Variants in NMRK2 observed in about 807,000 individuals in gnomAD.
NMRK2 encodes the protein nicotinamide riboside kinase 2, also known as NRK 2.
NMRK2 carries 34 observed loss-of-function variants against 24.7 expected under a neutral mutation model. That is an observed-to-expected ratio of 1.37 (90% CI 1.05 to 1.83). The LOEUF (loss-of-function observed/expected upper bound fraction) is 1.83, where lower values mean the gene tolerates loss of function less well. Ranked by LOEUF, NMRK2 falls within the 40% of genes most tolerant of loss-of-function variation. NMRK2 has a pLI of 0.00. For missense variants in NMRK2, 341 were observed against 315.0 expected, an observed-to-expected ratio of 1.08 and a Z score of -0.62; for synonymous variants, 145 against 125.6, an observed-to-expected ratio of 1.15 and a Z score of -1.03.
intron 2 of NMRK2, among the ~76,000 whole-genome samples, chr19:3,934,575 GTGT>G (rs374434203): frequency 3.4e-4 from 51 of 150,440 alleles, no homozygotes; most frequent in African/African-American, 1.1e-3. Context: ...TGGGGGGGGG[GTGT>G]TGTTGTTGCC....
In NMRK2 at chr19:3,936,562, G is replaced by A. The variant is rs757459048; in HGVS notation, c.27-13G>A. On this transcript the variant is annotated splice_polypyrimidine_tract_variant and intron_variant, in intron 2 of 7. Coordinates refer to ENST00000168977, the MANE Select transcript of NMRK2 (RefSeq NM_170678.3). ...GGAGCCCAGGCAGTCTCATGCACAC[G>A]CTGTCTCCCCAGCATGACCAACGGC... 5.2e-6 allele frequency: 8 copies of A among 1,538,478 alleles called. No individual in the cohort carries two copies. Among genetic ancestry groups the A allele is most frequent in the South Asian group, 2.4e-5 (2 of 83,410 alleles).
chr19:3,934,568 G>C (rs879582067), intron 2 of NMRK2, among the ~76,000 whole-genome samples: 87 of 151,008 alleles, frequency 5.8e-4, no homozygotes, highest in Non-Finnish European at 1.1e-3. Flanking sequence ...TTTTTTTTGG[G>C]GGGGGGGTGT....
At chr19:3,942,016 C>A in intron 7 of NMRK2, 67 bp from the exon 8 acceptor site, 1 of 1,330,286 alleles carries the variant, frequency 7.5e-7, no homozygotes, top group Non-Finnish European at 1.1e-6. Context: ...ACCCAGCCGT[C>A]CACTCGTCCC....
At chr19:3,940,999 C>A (rs2046645309) in intron 6 of NMRK2, 72 bp from the exon 7 acceptor site, 5 of 974,464 alleles carry the variant, frequency 5.1e-6, no homozygotes, top group Non-Finnish European at 7.9e-6. Context: ...AGCTTTCAGG[C>A]CCCCCACCGG....
chr19:3,933,346 G>T (rs1250406118), intron 1 of NMRK2, 112 bp from the exon 2 acceptor site: 7 of 378,924 alleles, frequency 1.8e-5, no homozygotes, highest in Non-Finnish European at 3.3e-5. Flanking sequence ...GGAGGAGGGG[G>T]TAAGAAGGGG....
chr19:3,937,009 C>T (rs2039225682), intron 3 of NMRK2, among the ~76,000 whole-genome samples: 1 of 152,142 alleles, frequency 6.6e-6, no homozygotes, highest in Non-Finnish European at 1.5e-5. Flanking sequence ...TCCACCTCCC[C>T]TTTCCCATCT....
chr19:3,935,486 C>T (rs1330228273), intron 2 of NMRK2, among the ~76,000 whole-genome samples: 11 of 151,962 alleles, frequency 7.2e-5, no homozygotes, highest in Non-Finnish European at 5.9e-5. Context: ...AAACTCCTGA[C>T]CTCAGGTGAT....
chr19:3,934,688 TCTC>T (rs1270863216), intron 2 of NMRK2, among the ~76,000 whole-genome samples: 1 of 151,812 alleles, frequency 6.6e-6, no homozygotes, highest in African/African-American at 2.4e-5. Flanking sequence ...TTCAAGCAAT[TCTC>T]CTGCCTCAGC....
chr19:3,938,816 TCTC>T, intron 5 of NMRK2, 57 bp downstream of exon 5: 2 of 522,714 alleles, frequency 3.8e-6, no homozygotes, highest in South Asian at 4.7e-5. Flanking sequence ...GGTATAGCCA[TCTC>T]TTGTTTTTTT....
At chr19:3,936,781 C>A in intron 3 of NMRK2, 116 bp downstream of exon 3, 1 of 820,452 alleles carries the variant, frequency 1.2e-6, no homozygotes, top group Non-Finnish European at 1.9e-6. Flanking sequence ...ACTGGCTCCA[C>A]TCCCTGCCTG....
At chr19:3,935,251 CTTTTTT>C (rs900517564) in intron 2 of NMRK2, among the ~76,000 whole-genome samples, 6 of 105,642 alleles carry the variant, frequency 5.7e-5, no homozygotes, top group Admixed American at 3.1e-4. Flanking sequence ...TTCCGTCAGT[CTTTTTT>C]TTTTTTTTTT....
intron 6 of NMRK2, 61 bp downstream of exon 6, chr19:3,940,032 G>T: frequency 6.9e-7 from 1 of 1,451,560 alleles, no homozygotes; most frequent in South Asian, 1.2e-5. Context: ...ATTACTGGGT[G>T]GAACCAGCGG....
rs1319183512 is a variant in NMRK2 at position 3,933,635 on chromosome 19, G to C, written c.-37G>C. On this transcript the variant is annotated 5_prime_UTR_variant, in exon 2 of 8. Transcript: ENST00000168977. ...TGCGTGGTCGCACCCTACCCGGGCT[G>C]CCTTGGAAGTCGTCCCCGCCGCCCC... 1 of 1,519,150 alleles carries C rather than the reference G, an allele frequency of 6.6e-7. No individual in the cohort carries two copies. Among genetic ancestry groups the C allele is most frequent in the Non-Finnish European group, 8.8e-7 (1 of 1,135,188 alleles). 94.1% of individuals were successfully genotyped at this position (1,519,150 alleles called of 1,614,324 possible).
At position 3,939,895 on chromosome 19, in the gene NMRK2, C is replaced by T. The variant is rs2039298066; in HGVS notation, c.324-5C>T. The T allele has an allele frequency of 1.2e-6, 2 of 1,612,362 alleles. No individual in the cohort carries two copies. Among genetic ancestry groups the T allele is most frequent in the Non-Finnish European group, 1.7e-6 (2 of 1,178,690 alleles). ...TGCTGACCGTGTCTCCCCCACTCCG[C>T]CCAGGCCCCTGGTGGACTTGTACAG... is the stretch of plus-strand genomic sequence containing the variant. On this transcript the variant is annotated splice_polypyrimidine_tract_variant and splice_region_variant and intron_variant, in intron 5 of 7. Coordinates refer to ENST00000168977, the MANE Select transcript of NMRK2 (RefSeq NM_170678.3).
At chr19:3,936,502 C>T (rs2039216005) in intron 2 of NMRK2, 73 bp from the exon 3 acceptor site, 1 of 1,102,798 alleles carries the variant, frequency 9.1e-7, no homozygotes, top group Non-Finnish European at 1.3e-6. Context: ...GGCTGCACCT[C>T]AGGCCCCCTT....
At chr19:3,934,569 G>GC (rs1568178284) in intron 2 of NMRK2, among the ~76,000 whole-genome samples, 3 of 151,102 alleles carry the variant, frequency 2.0e-5, no homozygotes, top group East Asian at 1.9e-4. Context: ...TTTTTTTGGG[G>GC]GGGGGGTGTT....
At chr19:3,940,335 C>CAAA (rs978999079) in intron 6 of NMRK2, among the ~76,000 whole-genome samples, 888 of 30,938 alleles carry the variant, frequency 0.029, 41 homozygotes, top group Non-Finnish European at 0.041. Flanking sequence ...GACTCTGTCT[C>CAAA]AAAAAAAAAA....
intron 5 of NMRK2, 46 bp downstream of exon 5, chr19:3,938,805 G>A (rs767016223): frequency 2.1e-5 from 24 of 1,157,186 alleles, no homozygotes; most frequent in East Asian, 1.5e-4. Flanking sequence ...CTCTCTGGGC[G>A]GGTATAGCCA....
Position 3,938,589 on chromosome 19 carries a change from T to C in NMRK2, c.167-14T>C. On this transcript the variant is annotated splice_polypyrimidine_tract_variant and intron_variant, in intron 4 of 7. Transcript: ENST00000168977. ...GGGTCTGCCCTCCTGCAATGCCTGC[T>C]CCCCTTTCCCCAGTGCTGGAGTCTC... is the stretch of plus-strand genomic sequence containing the variant. 1 of 1,548,708 alleles carries C rather than the reference T, an allele frequency of 6.5e-7. No homozygotes were observed. Among genetic ancestry groups the C allele is most frequent in the Non-Finnish European group, 8.7e-7 (1 of 1,143,682 alleles).
Sources: allele counts gnomAD v4.1 joint callset (sites outside exome capture counted in the v4.1 genomes callset), GRCh38; gene constraint gnomAD v4.1.1; transcripts MANE v1.5; gene names NCBI Gene and HGNC (gene_info 2026-07-23, HGNC 2026-07-21).